Variants in KLRG1 observed in about 807,000 individuals in gnomAD.
KLRG1 encodes killer cell lectin-like receptor subfamily G member 1.
In KLRG1, 16 loss-of-function variants were observed where a neutral mutation model predicts 21.8. The ratio of observed to expected loss-of-function variants is 0.73; its 90% CI spans 0.50 to 1.11. The LOEUF (loss-of-function observed/expected upper bound fraction) is 1.11. KLRG1 is among the 50% of genes most tolerant of loss of function. The pLI is 0.00. For missense variants in KLRG1, 173 were observed against 218.3 expected (o/e 0.79, Z 1.31); for synonymous variants, 69 against 75.9 (o/e 0.91, Z 0.47).
At chr12:8,990,819 G>A (rs569953336) in intron 1 of KLRG1, among the ~76,000 whole-genome samples, 12 of 152,106 alleles carry the variant, frequency 7.9e-5, no homozygotes, top group Non-Finnish European at 1.6e-4. Flanking sequence ...TTCAATTATG[G>A]TTTGATACCT....
At chr12:9,077,537 A>G in the KLRG1 span, 5 of 1,451,970 alleles carry the variant, frequency 3.4e-6, no homozygotes, top group Non-Finnish European at 4.7e-6. Context: ...CCTATAGGGC[A>G]AAGTATCACA....
At chr12:9,160,988 TGGC>T in the KLRG1 span, 9 of 1,399,596 alleles carry the variant, frequency 6.4e-6, no homozygotes, top group Admixed American at 1.5e-4. Flanking sequence ...AGATGTACAG[TGGC>T]AACTCTTTTG....
chr12:8,966,037 A>G (rs1424176031), intron 1 of KLRG1, among the ~76,000 whole-genome samples: 1 of 152,196 alleles, frequency 6.6e-6, no homozygotes, highest in Non-Finnish European at 1.5e-5. Context: ...AATGCCGCAT[A>G]TCTACAACTA....
At chr12:9,037,207 A>G in the KLRG1 span, 2 of 155,458 alleles carry the variant, frequency 1.3e-5, no homozygotes, top group East Asian at 3.8e-4. Context: ...GGAGGAGGCC[A>G]AAGACTTGGG....
At chr12:8,973,975 A>G (rs948049914) in intron 1 of KLRG1, among the ~76,000 whole-genome samples, 3 of 152,042 alleles carry the variant, frequency 2.0e-5, no homozygotes, top group African/African-American at 7.2e-5. Flanking sequence ...ATATATAATC[A>G]TGTCTACTGC....
rs1946658724 is a variant in KLRG1 at position 8,976,449 on chromosome 12, AT to A, written c.-155-15754del. On this transcript the variant is annotated intron_variant, in intron 1 of 4. Transcript: ENST00000539240. The stretch of plus-strand genomic sequence containing the variant: ...AATATTTTTCTGTTGTTGGGTGAAA[AT>A]TTCTGTATATATCTGTTGGGTCTAT... Among the ~76,000 whole-genome samples, 2 of 152,024 alleles carry A rather than the reference AT, an allele frequency of 1.3e-5. 1 individual carries two copies. Among genetic ancestry groups the A allele is most frequent in the South Asian group, 4.1e-4 (2 of 4,830 alleles).
chr12:9,014,675 C>G (rs930279963), downstream of KLRG1, among the ~76,000 whole-genome samples: 1 of 151,944 alleles, frequency 6.6e-6, no homozygotes, highest in Non-Finnish European at 1.5e-5. Context: ...AGGTACAAAA[C>G]TCACTGGTAA....
the KLRG1 span, chr12:9,089,835 T>C: frequency 1.2e-5 from 12 of 995,340 alleles, no homozygotes; most frequent in Non-Finnish European, 1.7e-5. Flanking sequence ...AAAATATCCA[T>C]ATATTATTAT....
chr12:8,971,908 C>G (rs1438401149), intron 1 of KLRG1, among the ~76,000 whole-genome samples: 1 of 152,116 alleles, frequency 6.6e-6, no homozygotes, highest in Non-Finnish European at 1.5e-5. Context: ...GATATTAACC[C>G]CTTATCAGAT....
At chr12:9,092,293 C>T in the KLRG1 span, among the ~76,000 whole-genome samples, 1 of 152,184 alleles carries the variant, frequency 6.6e-6, no homozygotes, top group Admixed American at 6.5e-5. Context: ...AAGGGTCTGG[C>T]TCCTAAATCA....
chr12:9,021,110 C>T, the KLRG1 span, among the ~76,000 whole-genome samples: 2 of 152,038 alleles, frequency 1.3e-5, no homozygotes, highest in African/African-American at 2.4e-5. Flanking sequence ...AAATGGTACA[C>T]CTGCATATGA....
At chr12:9,168,905 C>T in the KLRG1 span, 99,670 of 1,613,568 alleles carry the variant, frequency 0.062, 3,751 homozygotes, top group African/African-American at 0.16. Flanking sequence ...CCTGCAGACA[C>T]GGAAGGGATG....
chr12:9,052,893 T>C, the KLRG1 span: 1 of 432,466 alleles, frequency 2.3e-6, no homozygotes, highest in Admixed American at 2.9e-5. Context: ...TACTCAGTAT[T>C]GCCTTTTAAA....
the KLRG1 span, among the ~76,000 whole-genome samples, chr12:9,027,113 A>G: frequency 6.6e-6 from 1 of 152,140 alleles, no homozygotes; most frequent in Non-Finnish European, 1.5e-5. Context: ...ATGGGTAAAT[A>G]AGCTAATTAA....
intron 1 of KLRG1, among the ~76,000 whole-genome samples, chr12:8,974,262 G>A (rs894526158): frequency 2.6e-5 from 4 of 151,848 alleles, no homozygotes; most frequent in Non-Finnish European, 4.4e-5. Context: ...CCGCCTCCCG[G>A]GTTCATGCCA....
At chr12:8,969,945 A>G (rs1024321101) in intron 1 of KLRG1, among the ~76,000 whole-genome samples, 2 of 152,128 alleles carry the variant, frequency 1.3e-5, no homozygotes, top group Non-Finnish European at 2.9e-5. Flanking sequence ...GTGAAACCCC[A>G]TCTCTACAAA....
the KLRG1 span, among the ~76,000 whole-genome samples, chr12:9,197,772 C>A: frequency 2.0e-4 from 16 of 79,888 alleles, no homozygotes; most frequent in South Asian, 4.3e-3. Flanking sequence ...ATATATTATA[C>A]AATACATAAT....
intron 1 of KLRG1, among the ~76,000 whole-genome samples, chr12:8,983,387 C>CATT (rs1365305490): frequency 7.2e-6 from 1 of 139,532 alleles, no homozygotes; most frequent in East Asian, 2.0e-4. Context: ...GCAGTCTTAC[C>CATT]ATTTTACCTT....
chr12:9,188,268 C>CA, the KLRG1 span, among the ~76,000 whole-genome samples: 2 of 152,094 alleles, frequency 1.3e-5, no homozygotes. Flanking sequence ...GAACCAATGA[C>CA]AAAAATACGA....
Sources: allele counts gnomAD v4.1 joint callset (sites outside exome capture counted in the v4.1 genomes callset), GRCh38; gene constraint gnomAD v4.1.1; transcripts MANE v1.5; gene names NCBI Gene and HGNC (gene_info 2026-07-23, HGNC 2026-07-21).